APCDD1L: variants seen among roughly 807,000 people sequenced by gnomAD.
APCDD1L encodes APC down-regulated 1 like.
Under a neutral mutation model 24.2 loss-of-function variants are expected in APCDD1L, and 21 were observed. The observed-to-expected ratio is 0.87, with a 90% confidence interval of 0.61 to 1.25. The LOEUF is 1.25. Among genes scored for constraint, APCDD1L ranks in the 50% most tolerant of loss-of-function variants. The pLI is 0.00. For synonymous variants in APCDD1L, 321 were observed against 323.6 expected, an observed-to-expected ratio of 0.99 and a Z score of 0.09; for missense variants, 704 against 711.7, an observed-to-expected ratio of 0.99 and a Z score of 0.12.
Position 58,506,320 on chromosome 20 carries a change from C to T in APCDD1L, c.49+8339G>A, listed in dbSNP as rs569441884. 2.0e-4 allele frequency among the ~76,000 whole-genome samples: 30 copies of T among 152,332 alleles called. 1 individual carries two copies. The South Asian group carries it at 6.2e-3, about 32-fold the overall frequency. On this transcript the variant is annotated intron_variant, in intron 1 of 3. Transcript: ENST00000371149. ...CTGTCTCTTTCTCTCCAGCCAAGCTCCTGATATCCCAGAAGGAGAAGGTGG... is the reference window on the plus strand; with the variant it reads ...CTGTCTCTTTCTCTCCAGCCAAGCTTCTGATATCCCAGAAGGAGAAGGTGG...
At chr20:58,465,167 G>A (rs1208610661) in intron 3 of APCDD1L, among the ~76,000 whole-genome samples, 1 of 152,180 alleles carries the variant, frequency 6.6e-6, no homozygotes, top group South Asian at 2.1e-4. Flanking sequence ...CTCACCGCTA[G>A]CGCCTTCTCT....
intron 1 of APCDD1L, among the ~76,000 whole-genome samples, chr20:58,505,358 C>T (rs1990512698): frequency 6.6e-6 from 1 of 152,146 alleles, no homozygotes. Flanking sequence ...GGCCACTGTG[C>T]CTGGCTCATT....
rs149764499 is a variant in APCDD1L at position 58,508,993 on chromosome 20, CGTGT to C, written c.49+5662_49+5665del. Among the ~76,000 whole-genome samples, 346 of 149,418 alleles carry C rather than the reference CGTGT, an allele frequency of 2.3e-3. No individual in the cohort carries two copies. Among genetic ancestry groups the C allele is most frequent in the African/African-American group, 7.3e-3 (298 of 40,788 alleles). ...GCGCACGTGTGTGTGCATGTGCATGCGTGTGTGTGTGTGTGTGTGTGTGTGGAGT... is the reference window on the plus strand; with the variant it reads ...GCGCACGTGTGTGTGCATGTGCATGCGTGTGTGTGTGTGTGTGTGTGGAGT... On this transcript the variant is annotated intron_variant, in intron 1 of 3. Transcript: ENST00000371149. This position sits in a 1 kb window ranked among gnomAD's most constrained non-coding sequence, Gnocchi z 4.0.
intron 1 of APCDD1L, among the ~76,000 whole-genome samples, chr20:58,480,742 G>A (rs1174513770): frequency 6.6e-6 from 1 of 152,166 alleles, no homozygotes; most frequent in Non-Finnish European, 1.5e-5. Context: ...TTTTCTGTTT[G>A]TTTGTTTAGG....
chr20:58,495,685 G>T (rs893973738), intron 1 of APCDD1L, among the ~76,000 whole-genome samples: 2 of 152,176 alleles, frequency 1.3e-5, no homozygotes, highest in Non-Finnish European at 2.9e-5. Flanking sequence ...AGACATGTTT[G>T]GGGGAAAGGG....
At chr20:58,486,054 T>C (rs1990112562) in intron 1 of APCDD1L, among the ~76,000 whole-genome samples, 1 of 152,166 alleles carries the variant, frequency 6.6e-6, no homozygotes, top group Admixed American at 6.5e-5. Flanking sequence ...CAAGATCAAA[T>C]AAATATGAGT....
At chr20:58,466,514 G>T (rs1417732290) in intron 3 of APCDD1L, among the ~76,000 whole-genome samples, 2 of 152,248 alleles carry the variant, frequency 1.3e-5, no homozygotes, top group Non-Finnish European at 2.9e-5. Flanking sequence ...GGTGTGCGCG[G>T]CCCCAGCGGC....
intron 1 of APCDD1L, among the ~76,000 whole-genome samples, chr20:58,483,916 C>A (rs1466722619): frequency 6.6e-6 from 1 of 152,130 alleles, no homozygotes; most frequent in African/African-American, 2.4e-5. Flanking sequence ...GGCAGAGTCC[C>A]CAGGGAAGTG....
chr20:58,502,577 A>G (rs182139770), intron 1 of APCDD1L, among the ~76,000 whole-genome samples: 60 of 152,334 alleles, frequency 3.9e-4, no homozygotes, highest in South Asian at 8.3e-4. Context: ...AGAACTGAAT[A>G]CTTGAATGAA....
intron 1 of APCDD1L, among the ~76,000 whole-genome samples, chr20:58,498,371 C>G (rs186817430): frequency 1.3e-5 from 2 of 152,112 alleles, no homozygotes; most frequent in Non-Finnish European, 2.9e-5. Context: ...TGAACCCCTT[C>G]GGTAATTGAG....
At chr20:58,500,851 A>C (rs947260503) in intron 1 of APCDD1L, among the ~76,000 whole-genome samples, 1 of 152,048 alleles carries the variant, frequency 6.6e-6, no homozygotes, top group African/African-American at 2.4e-5. Flanking sequence ...CAGTCCAGGG[A>C]GTTTTGCCTT....
rs1989567193 is a variant in APCDD1L at position 58,460,116 on chromosome 20, T to C, written c.*674A>G. ...GAAAACTGGATTTATCCACATGCAGTGTTGGCAGCTTGAGGTCCGACTCGC... is the reference window on the plus strand; with the variant it reads ...GAAAACTGGATTTATCCACATGCAGCGTTGGCAGCTTGAGGTCCGACTCGC... On this transcript the variant is annotated 3_prime_UTR_variant, in exon 4 of 4. Transcript: ENST00000371149. This position sits in a 1 kb window ranked among gnomAD's most constrained non-coding sequence, Gnocchi z 4.2. 2 of 152,174 alleles carry C rather than the reference T, an allele frequency of 1.3e-5. No individual in the cohort carries two copies. The allele number at this position is 152,174 out of a possible 1,614,324, so 9.4% of individuals were successfully genotyped here.
chr20:58,503,910 G>T (rs576473089), intron 1 of APCDD1L, among the ~76,000 whole-genome samples: 3 of 152,202 alleles, frequency 2.0e-5, no homozygotes, highest in Non-Finnish European at 2.9e-5. Flanking sequence ...AGGACACTCC[G>T]TGGGCAGAAT....
intron 1 of APCDD1L, among the ~76,000 whole-genome samples, chr20:58,496,231 G>A (rs545049587): frequency 1.3e-5 from 2 of 152,340 alleles, no homozygotes; most frequent in Admixed American, 1.3e-4. Flanking sequence ...CTGTGACAGT[G>A]GGGTCAGAGG....
intron 1 of APCDD1L, among the ~76,000 whole-genome samples, chr20:58,492,930 A>G (rs549428293): frequency 6.6e-6 from 1 of 152,020 alleles, no homozygotes; most frequent in Non-Finnish European, 1.5e-5. Context: ...ATGCATACAC[A>G]TGCACTCACA....
intron 1 of APCDD1L, among the ~76,000 whole-genome samples, chr20:58,478,350 C>G (rs1989952100): frequency 1.1e-5 from 1 of 93,098 alleles, no homozygotes; most frequent in Non-Finnish European, 2.3e-5. Context: ...GGCTTCTTAA[C>G]TTTTTCTTTT....
At chr20:58,499,320 C>G (rs11700085) in intron 1 of APCDD1L, among the ~76,000 whole-genome samples, 1 of 152,028 alleles carries the variant, frequency 6.6e-6, no homozygotes, top group Non-Finnish European at 1.5e-5. Context: ...ACATGGCCAG[C>G]TAAGACAGGG....
rs1378281510 is a variant in APCDD1L at position 58,467,959 on chromosome 20, G to T, written c.189-301C>A. Among the ~76,000 whole-genome samples the T allele has an allele frequency of 6.6e-6, 1 of 152,158 alleles. No individual in the cohort carries two copies. The highest frequency in any genetic ancestry group is 1.5e-5 in the Non-Finnish European group (1 of 68,012). On this transcript the variant is annotated intron_variant, in intron 2 of 3. Coordinates refer to ENST00000371149, the MANE Select transcript of APCDD1L (RefSeq NM_153360.3). This position sits in a 1 kb window ranked among gnomAD's most constrained non-coding sequence, Gnocchi z 5.9. The stretch of plus-strand genomic sequence containing the variant: ...CACCTGGGGACCCGCTGGCCTGGGA[G>T]CTCCGGGATGCCCTGCCTGCTTCCT...
At chr20:58,488,022 G>A (rs988619482) in intron 1 of APCDD1L, among the ~76,000 whole-genome samples, 2 of 152,076 alleles carry the variant, frequency 1.3e-5, no homozygotes, top group African/African-American at 4.8e-5. Flanking sequence ...GTATACAGTG[G>A]TCCCCCCATG....
Sources: allele counts gnomAD v4.1 joint callset (sites outside exome capture counted in the v4.1 genomes callset), GRCh38; gene constraint gnomAD v4.1.1; non-coding constraint Gnocchi (gnomAD v3.1); transcripts MANE v1.5; gene names NCBI Gene and HGNC (gene_info 2026-07-23, HGNC 2026-07-21).